CLECL1: variants seen among roughly 807,000 people sequenced by gnomAD.
CLECL1 encodes C-type lectin-like domain family 1.
the CLECL1 span, among the ~76,000 whole-genome samples, chr12:9,705,431 CT>C: frequency 2.7e-4 from 41 of 152,198 alleles, no homozygotes; most frequent in Non-Finnish European, 5.4e-4. Context: ...TCAATCTTTC[CT>C]TTTCTTACAA....
downstream of CLECL1, among the ~76,000 whole-genome samples, chr12:9,714,743 C>A (rs12812783): frequency 0.04 from 6,137 of 152,248 alleles, 156 homozygotes; most frequent in Non-Finnish European, 0.057. Context: ...GGAACTAATT[C>A]TCGGGCTACT....
chr12:9,733,015 C>A, exon 1 of CLECL1: 2 of 1,614,196 alleles, frequency 1.2e-6, no homozygotes, highest in Non-Finnish European at 8.5e-7. Flanking sequence ...TCAGCGTAGA[C>A]TACATCTCCA....
rs1258123165 is a variant in CLECL1 at position 9,723,536 on chromosome 12, A to G, written n.263-723T>C. On this transcript the variant is annotated intron_variant and non_coding_transcript_variant, in intron 3 of 3. Transcript: ENST00000621400. ...ATTCTAGAGGGGAGATGACACTTCA[A>G]AGAAGGTATGGCAGGGCAAAAGTTT... is the stretch of plus-strand genomic sequence containing the variant. Among the ~76,000 whole-genome samples, 4 of 152,232 alleles carry G rather than the reference A, an allele frequency of 2.6e-5. No homozygotes were observed. In the East Asian group the frequency reaches 7.7e-4, roughly 29 times the overall value.
At chr12:9,707,759 C>T in the CLECL1 span, among the ~76,000 whole-genome samples, 1 of 152,212 alleles carries the variant, frequency 6.6e-6, no homozygotes, top group Non-Finnish European at 1.5e-5. Context: ...CAAAACCCTG[C>T]CACTTCTCTT....
the CLECL1 span, among the ~76,000 whole-genome samples, chr12:9,706,836 G>A: frequency 2.0e-3 from 311 of 152,296 alleles, 1 homozygote; most frequent in African/African-American, 7.0e-3. Context: ...ATTTCTGCCA[G>A]GTTTTGGTAT....
chr12:9,714,377 C>T (rs969506175), downstream of CLECL1, among the ~76,000 whole-genome samples: 9 of 152,326 alleles, frequency 5.9e-5, no homozygotes, highest in Admixed American at 5.9e-4. Flanking sequence ...GTGCCAATTA[C>T]ACAGCTACCT....
the CLECL1 span, among the ~76,000 whole-genome samples, chr12:9,710,513 A>T: frequency 6.6e-6 from 1 of 152,194 alleles, no homozygotes; most frequent in Non-Finnish European, 1.5e-5. Flanking sequence ...AGTCCTGGCT[A>T]GGGCTCCACA....
chr12:9,716,439 G>A (rs777777817), exon 3 of CLECL1: 39 of 165,232 alleles, frequency 2.4e-4, no homozygotes, highest in Admixed American at 4.5e-4. Context: ...CTGTATCTCC[G>A]ACTAACACTA....
downstream of CLECL1, among the ~76,000 whole-genome samples, chr12:9,711,512 T>TAA (rs141838777): frequency 2.0e-5 from 3 of 150,714 alleles, no homozygotes; most frequent in Admixed American, 2.0e-4. Flanking sequence ...GTAAGTTATT[T>TAA]AAAAAAAAAA....
chr12:9,730,816 A>G (rs778156509), intron 1 of CLECL1, among the ~76,000 whole-genome samples: 15 of 151,934 alleles, frequency 9.9e-5, no homozygotes, highest in Non-Finnish European at 1.9e-4. Context: ...CAGCCTCCTG[A>G]GTAGCTGTGA....
chr12:9,725,547 A>G (rs1565482445), intron 3 of CLECL1, among the ~76,000 whole-genome samples: 1 of 103,416 alleles, frequency 9.7e-6, no homozygotes, highest in Non-Finnish European at 2.0e-5. Flanking sequence ...ATCATAGAAT[A>G]TAAAAAAATA....
chr12:9,730,028 C>T (rs779072268), intron 1 of CLECL1, among the ~76,000 whole-genome samples: 110 of 152,120 alleles, frequency 7.2e-4, no homozygotes, highest in Admixed American at 4.9e-3. Context: ...CTGATCTTTT[C>T]TGTTTCTCCT....
chr12:9,728,123 T>C (rs768478108), intron 2 of CLECL1, among the ~76,000 whole-genome samples: 5 of 151,930 alleles, frequency 3.3e-5, no homozygotes, highest in East Asian at 3.9e-4. Flanking sequence ...ATATATGAGA[T>C]AGAGTTAGCC....
downstream of CLECL1, among the ~76,000 whole-genome samples, chr12:9,721,759 GAACA>G (rs376078455): frequency 3.2e-3 from 482 of 152,286 alleles, 4 homozygotes; most frequent in African/African-American, 0.011. Context: ...TGCTCTAGAA[GAACA>G]AACAAAGGTC....
chr12:9,730,817 G>A (rs1326328582), intron 1 of CLECL1, among the ~76,000 whole-genome samples: 1 of 152,000 alleles, frequency 6.6e-6, no homozygotes, highest in Non-Finnish European at 1.5e-5. Flanking sequence ...AGCCTCCTGA[G>A]TAGCTGTGAA....
At chr12:9,731,320 C>T (rs921275974) in intron 1 of CLECL1, among the ~76,000 whole-genome samples, 3 of 152,152 alleles carry the variant, frequency 2.0e-5, no homozygotes, top group African/African-American at 7.2e-5. Flanking sequence ...CTATTAATTT[C>T]CTGCTCTATA....
chr12:9,714,841 A>G (rs1003699058), downstream of CLECL1, among the ~76,000 whole-genome samples: 1 of 152,240 alleles, frequency 6.6e-6, no homozygotes, highest in Non-Finnish European at 1.5e-5. Flanking sequence ...GGCTAACTGC[A>G]AAAACAAATT....
chr12:9,722,733 C>A, exon 4 of CLECL1: 2 of 1,613,806 alleles, frequency 1.2e-6, no homozygotes, highest in Non-Finnish European at 1.7e-6. Flanking sequence ...TTAGTTTCAG[C>A]AATCCAGTAA....
At chr12:9,721,829 A>G (rs1866317179), downstream of CLECL1, among the ~76,000 whole-genome samples, 1 of 152,218 alleles carries the variant, frequency 6.6e-6, no homozygotes, top group Non-Finnish European at 1.5e-5. Context: ...TGCGCCTGAC[A>G]GAGCCTTACA....
Sources: gnomAD v4.1 joint callset for allele counts (sites outside exome capture counted in the v4.1 genomes callset) on GRCh38, gnomAD v4.1.1 for gene constraint, MANE v1.5 for transcripts, NCBI Gene and HGNC (gene_info 2026-07-23, HGNC 2026-07-21) for gene names.